SLC25A48: variants seen among roughly 807,000 people sequenced by gnomAD.
SLC25A48 encodes solute carrier family 25 member 48.
Under a neutral mutation model 32.2 loss-of-function variants are expected in SLC25A48, and 29 were observed. That is an observed-to-expected ratio of 0.90 (90% confidence interval 0.67 to 1.23). The LOEUF (loss-of-function observed/expected upper bound fraction) is 1.23. Ranked by LOEUF, SLC25A48 falls within the 50% of genes most tolerant of loss-of-function variation. SLC25A48 has a pLI of 0.00. For synonymous variants in SLC25A48, 164 were observed against 172.3 expected (o/e 0.95, Z 0.38); for missense variants, 399 against 422.7 (o/e 0.94, Z 0.49).
intron 3 of SLC25A48, among the ~76,000 whole-genome samples, chr5:135,679,077 C>A (rs999492358): frequency 3.3e-5 from 5 of 152,066 alleles, no homozygotes; most frequent in African/African-American, 1.2e-4. Flanking sequence ...GGGTCTTGGG[C>A]CCCTGGGCAG....
rs150558082 is a variant in SLC25A48 at position 135,855,732 on chromosome 5, G to C, written c.421+2911G>C. Among the ~76,000 whole-genome samples the C allele has an allele frequency of 2.2e-4, 34 of 152,352 alleles. No individual in the cohort carries two copies. The East Asian group carries it at 6.6e-3, about 29-fold the overall frequency. On this transcript the variant is annotated intron_variant, in intron 4 of 7. Transcript: ENST00000681962. ...TCTCATCTGCACGAAGCTAGCCCCA[G>C]CTGAGCTGGGACTCATACGCATGTA... is the stretch of plus-strand genomic sequence containing the variant.
At chr5:135,665,801 T>G (rs913184039) in intron 3 of SLC25A48, among the ~76,000 whole-genome samples, 1 of 151,888 alleles carries the variant, frequency 6.6e-6, no homozygotes, top group Non-Finnish European at 1.5e-5. Context: ...GAGTCCTGCC[T>G]CCAAGATTTC....
chr5:135,658,975 G>A (rs1397674684), intron 3 of SLC25A48, among the ~76,000 whole-genome samples: 4 of 152,212 alleles, frequency 2.6e-5, no homozygotes, highest in Admixed American at 1.3e-4. Flanking sequence ...ACCCGTGATG[G>A]GAGGGGCTGC....
intron 3 of SLC25A48, among the ~76,000 whole-genome samples, chr5:135,798,066 A>G (rs1757231751): frequency 6.6e-6 from 1 of 151,918 alleles, no homozygotes. Context: ...AAAGAGAATG[A>G]TATTACTCCC....
In SLC25A48 at chr5:135,780,602, T is replaced by A. The variant is rs1280050139; in HGVS notation, c.-520-31921T>A. ...TACTCTCAATATCGCAGGTGGCATA[T>A]AACCCCTCTGTGATATTGTTTCTAA... On this transcript the variant is annotated intron_variant, in intron 3 of 10. Coordinates refer to the SLC25A48 transcript ENST00000646290. Among the ~76,000 whole-genome samples, 5 of 115,560 alleles carry A rather than the reference T, an allele frequency of 4.3e-5. 1 individual carries two copies. Among genetic ancestry groups the A allele is most frequent in the Admixed American group, 2.6e-4 (3 of 11,328 alleles). 75.8% of individuals were successfully genotyped at this position (115,560 alleles called of 152,430 possible). A position where few individuals can be genotyped will look rare whatever the true frequency, so the allele number is the denominator to read the frequency against.
chr5:135,636,192 A>T (rs1168844066), intron 3 of SLC25A48, among the ~76,000 whole-genome samples: 1 of 152,132 alleles, frequency 6.6e-6, no homozygotes, highest in African/African-American at 2.4e-5. Flanking sequence ...TTTCCAGTTA[A>T]TTTCATTCGA....
chr5:135,821,326 G>C (rs954475742), intron 4 of SLC25A48, among the ~76,000 whole-genome samples: 2 of 152,226 alleles, frequency 1.3e-5, no homozygotes, highest in African/African-American at 4.8e-5. Flanking sequence ...CTGCCAGCAA[G>C]TGACTGGAGA....
At chr5:135,622,651 G>A (rs922086843) in intron 1 of SLC25A48, among the ~76,000 whole-genome samples, 2 of 152,066 alleles carry the variant, frequency 1.3e-5, no homozygotes, top group Non-Finnish European at 2.9e-5. Flanking sequence ...AAGAAAAAAT[G>A]TATATCATAT....
At chr5:135,769,843 T>A (rs991363655) in intron 3 of SLC25A48, among the ~76,000 whole-genome samples, 21 of 151,632 alleles carry the variant, frequency 1.4e-4, no homozygotes, top group African/African-American at 4.8e-4. Flanking sequence ...CCTGTGATAT[T>A]GTTCGTAATA....
At chr5:135,859,134 A>G (rs1211015666) in intron 4 of SLC25A48, among the ~76,000 whole-genome samples, 1 of 152,170 alleles carries the variant, frequency 6.6e-6, no homozygotes, top group East Asian at 1.9e-4. Context: ...GTAACCTCCT[A>G]TATTAGTCCA....
intron 1 of SLC25A48, among the ~76,000 whole-genome samples, chr5:135,614,788 T>C (rs543099541): frequency 1.3e-5 from 2 of 152,194 alleles, no homozygotes; most frequent in East Asian, 1.9e-4. Flanking sequence ...AAATCTCATG[T>C]CAAATTGTAA....
chr5:135,881,029 G>A (rs915464004), intron 7 of SLC25A48, among the ~76,000 whole-genome samples: 12 of 152,004 alleles, frequency 7.9e-5, no homozygotes, highest in Admixed American at 5.2e-4. Flanking sequence ...TGCACTAATG[G>A]TGCCTGGCAC....
chr5:135,747,000 G>GTTT (rs1036044373), intron 3 of SLC25A48, among the ~76,000 whole-genome samples: 44 of 145,808 alleles, frequency 3.0e-4, no homozygotes, highest in African/African-American at 1.1e-3. Flanking sequence ...TTTTGTTGTT[G>GTTT]TTTTTTTTTC....
At chr5:135,757,115 AAC>A (rs939000293) in intron 3 of SLC25A48, among the ~76,000 whole-genome samples, 28 of 150,216 alleles carry the variant, frequency 1.9e-4, no homozygotes, top group African/African-American at 2.9e-4. Flanking sequence ...ATCTAATTTT[AAC>A]ACAGTGTTAA....
At chr5:135,724,945 A>C (rs1358738936) in intron 3 of SLC25A48, among the ~76,000 whole-genome samples, 1 of 152,278 alleles carries the variant, frequency 6.6e-6, no homozygotes, top group Non-Finnish European at 1.5e-5. Context: ...AACAGGGCCC[A>C]GCCCAGCCTT....
In SLC25A48 at chr5:135,888,168, T is replaced by C. The variant is rs1377029283; in HGVS notation, c.*144T>C. 2 of 1,371,544 alleles carry C rather than the reference T, an allele frequency of 1.5e-6. No homozygotes were observed. The highest frequency in any genetic ancestry group is 1.5e-5 in the African/African-American group (1 of 68,484). The allele number at this position is 1,371,544 out of a possible 1,614,324, so 85.0% of individuals were successfully genotyped here. On this transcript the variant is annotated 3_prime_UTR_variant, in exon 8 of 8. Coordinates refer to ENST00000681962, the MANE Select transcript of SLC25A48 (RefSeq NM_001349336.2). ...GCGTGGGCTAGGATGGTGCAGACAC[T>C]GACGTGGCCCTTCTGATGCCTGGGA...
At chr5:135,752,293 G>A (rs561090635) in intron 3 of SLC25A48, among the ~76,000 whole-genome samples, 1 of 152,070 alleles carries the variant, frequency 6.6e-6, no homozygotes, top group African/African-American at 2.4e-5. Flanking sequence ...ACTTCCAGCC[G>A]GGTGCAGTGG....
At chr5:135,651,594 G>A (rs1484062316) in intron 3 of SLC25A48, among the ~76,000 whole-genome samples, 1 of 152,194 alleles carries the variant, frequency 6.6e-6, no homozygotes, top group Admixed American at 6.5e-5. Context: ...CTCAGCCCTA[G>A]GGGTAGTGGC....
At chr5:135,704,072 T>C (rs117416262) in intron 3 of SLC25A48, among the ~76,000 whole-genome samples, 1 of 152,288 alleles carries the variant, frequency 6.6e-6, no homozygotes, top group East Asian at 1.9e-4. Flanking sequence ...CACATTCCAT[T>C]TTGGACCTGA....
Sources: allele counts gnomAD v4.1 joint callset (sites outside exome capture counted in the v4.1 genomes callset), GRCh38; gene constraint gnomAD v4.1.1; transcripts MANE v1.5; gene names NCBI Gene and HGNC (gene_info 2026-07-23, HGNC 2026-07-21).